Variants in RAPGEF2 observed in about 807,000 individuals in gnomAD.
RAPGEF2 encodes the protein PDZ domain containing guanine nucleotide exchange factor (GEF) 1.
Under a neutral mutation model 186.7 loss-of-function variants are expected in RAPGEF2, and 54 were observed. The ratio of observed to expected loss-of-function variants is 0.29; its 90% CI spans 0.23 to 0.36. RAPGEF2 has a LOEUF of 0.36. Ranked by LOEUF, RAPGEF2 falls within the 10% of genes least tolerant of loss-of-function variation. The probability of loss-of-function intolerance (pLI) is 1.00; values close to 1 mark genes in which losing one functional copy is unlikely to be tolerated. For synonymous variants in RAPGEF2, 712 were observed against 705.9 expected (o/e 1.01, Z -0.14); for missense variants, 1,532 against 2,045.0 (o/e 0.75, Z 4.84).
rs1005895032 is a variant in RAPGEF2 at position 159,345,055 on chromosome 4, A to G, written c.3279-51A>G. The G allele has an allele frequency of 3.4e-6, 5 of 1,461,238 alleles. No homozygotes were observed. The African/African-American group carries it at 4.2e-5, about 12-fold the overall frequency. The allele number at this position is 1,461,238 out of a possible 1,614,324, so 90.5% of individuals were successfully genotyped here. The stretch of plus-strand genomic sequence containing the variant: ...CAGTCTTGGCACATTTTAAATAGAT[A>G]AAGTACTCCCATGCTAGAGTGAGCT... On this transcript the variant is annotated intron_variant, in intron 23 of 29. Coordinates refer to ENST00000691494, the MANE Select transcript of RAPGEF2 (RefSeq NM_001394067.2).
chr4:159,317,598 A>C (rs1312465916), intron 9 of RAPGEF2, among the ~76,000 whole-genome samples: 2 of 152,028 alleles, frequency 1.3e-5, no homozygotes, highest in Non-Finnish European at 2.9e-5. Context: ...ATTTCTAAAA[A>C]CGGGTTTCAC....
At chr4:159,217,318 G>A (rs899149443) in intron 4 of RAPGEF2, among the ~76,000 whole-genome samples, 5 of 152,038 alleles carry the variant, frequency 3.3e-5, no homozygotes, top group African/African-American at 1.2e-4. Context: ...ATTCTTGCCC[G>A]CTTCCTTCCT....
At chr4:159,252,610 A>G (rs1317225137) in intron 7 of RAPGEF2, among the ~76,000 whole-genome samples, 1 of 152,228 alleles carries the variant, frequency 6.6e-6, no homozygotes, top group Admixed American at 6.5e-5. Flanking sequence ...AAATTTTAGT[A>G]TTAACTTTGG....
chr4:159,143,175 TATG>T (rs1337878336), intron 1 of RAPGEF2, among the ~76,000 whole-genome samples: 7 of 152,090 alleles, frequency 4.6e-5, no homozygotes, highest in East Asian at 1.9e-4. Flanking sequence ...GGCTGTATCA[TATG>T]ATGATCGCTC....
chr4:159,146,569 T>G (rs909772077), intron 1 of RAPGEF2, among the ~76,000 whole-genome samples: 4 of 152,214 alleles, frequency 2.6e-5, no homozygotes, highest in Non-Finnish European at 5.9e-5. Flanking sequence ...ACTACTGTTA[T>G]TGCTATTATC....
chr4:159,251,884 G>A lies in RAPGEF2; in HGVS notation c.543+8093G>A, dbSNP rs148515292. Among the ~76,000 whole-genome samples, 26 of 151,838 alleles carry A rather than the reference G, an allele frequency of 1.7e-4. No individual in the cohort carries two copies. The East Asian group carries it at 3.5e-3, about 20-fold the overall frequency. ...ATCTGCTTGGGTTCGTTTCCACAGC[G>A]TGGAGTAAATTTTGCTGCGGCTCAC... On this transcript the variant is annotated intron_variant, in intron 7 of 29. Transcript: ENST00000691494.
chr4:159,313,661 T>A (rs1764216607), intron 8 of RAPGEF2, among the ~76,000 whole-genome samples: 2 of 152,310 alleles, frequency 1.3e-5, no homozygotes, highest in South Asian at 4.1e-4. Flanking sequence ...AATTAATAAT[T>A]GTATAAGATG....
At chr4:159,104,466 C>A (rs1312711906) in intron 1 of RAPGEF2, among the ~76,000 whole-genome samples, 2 of 145,964 alleles carry the variant, frequency 1.4e-5, no homozygotes, top group Non-Finnish European at 3.0e-5. Flanking sequence ...CCATGACTGA[C>A]CTTTCCCACT....
chr4:159,132,136 T>C (rs1235876713), intron 1 of RAPGEF2, among the ~76,000 whole-genome samples: 2 of 152,244 alleles, frequency 1.3e-5, no homozygotes, highest in Admixed American at 1.3e-4. Flanking sequence ...CTAGTTGGTC[T>C]AGAATTTATC....
chr4:159,151,387 G>T (rs1421090994), intron 1 of RAPGEF2, among the ~76,000 whole-genome samples: 1 of 152,160 alleles, frequency 6.6e-6, no homozygotes, highest in Non-Finnish European at 1.5e-5. Flanking sequence ...ACCCAATTTT[G>T]AGCAGTGCTT....
intron 1 of RAPGEF2, among the ~76,000 whole-genome samples, chr4:159,129,062 GTCA>G (rs1396263919): frequency 2.0e-5 from 3 of 151,180 alleles, no homozygotes; most frequent in Non-Finnish European, 4.4e-5. Flanking sequence ...ATTGAAATCT[GTCA>G]TCATTCTGTA....
chr4:159,340,700 C>T (rs1212056196), intron 19 of RAPGEF2, among the ~76,000 whole-genome samples: 1 of 148,490 alleles, frequency 6.7e-6, no homozygotes, highest in Admixed American at 6.7e-5. Context: ...CACACACACA[C>T]ACACACATTT....
chr4:159,257,479 C>A (rs983316690), intron 7 of RAPGEF2, among the ~76,000 whole-genome samples: 1 of 152,152 alleles, frequency 6.6e-6, no homozygotes, highest in Non-Finnish European at 1.5e-5. Flanking sequence ...ATGATTTAAT[C>A]GTCTCCTACC....
intron 1 of RAPGEF2, among the ~76,000 whole-genome samples, chr4:159,145,434 A>G (rs1742844533): frequency 6.6e-6 from 1 of 152,224 alleles, no homozygotes. Context: ...TTGCCAAAAC[A>G]TGTGATCTAT....
chr4:159,242,002 T>G (rs975671764), intron 6 of RAPGEF2, among the ~76,000 whole-genome samples: 3 of 152,110 alleles, frequency 2.0e-5, no homozygotes, highest in Non-Finnish European at 2.9e-5. Flanking sequence ...GGTTCAAAGA[T>G]CCTCTTAAAG....
chr4:159,236,088 G>A (rs1254388624), intron 4 of RAPGEF2, among the ~76,000 whole-genome samples: 1 of 152,208 alleles, frequency 6.6e-6, no homozygotes, highest in African/African-American at 2.4e-5. Context: ...CCTTGCTAAT[G>A]TGTGTTCTGT....
At chr4:159,236,368 G>A (rs1428189911) in intron 4 of RAPGEF2, among the ~76,000 whole-genome samples, 1 of 152,162 alleles carries the variant, frequency 6.6e-6, no homozygotes, top group Non-Finnish European at 1.5e-5. Flanking sequence ...ATGAAGTTCT[G>A]TTGAACGAAT....
chr4:159,260,389 T>G (rs1382594879), intron 7 of RAPGEF2, among the ~76,000 whole-genome samples: 1 of 152,044 alleles, frequency 6.6e-6, no homozygotes, highest in Non-Finnish European at 1.5e-5. Flanking sequence ...GGAAATCTTA[T>G]CCCCAAACAG....
intron 1 of RAPGEF2, among the ~76,000 whole-genome samples, chr4:159,120,715 A>G (rs1304717719): frequency 1.3e-5 from 2 of 152,330 alleles, no homozygotes; most frequent in African/African-American, 2.4e-5. Context: ...GGACTACAAC[A>G]TATGCCTGAA....
Sources: allele counts gnomAD v4.1 joint callset (sites outside exome capture counted in the v4.1 genomes callset), GRCh38; gene constraint gnomAD v4.1.1; transcripts MANE v1.5; gene names NCBI Gene and HGNC (gene_info 2026-07-23, HGNC 2026-07-21).